The following PDE11A variants were observed in gnomAD, a reference collection of about 807,000 sequenced individuals.
PDE11A encodes phosphodiesterase 11A.
A neutral mutation model predicts 100.5 loss-of-function variants in PDE11A; 100 were observed. That is an observed-to-expected ratio of 1.00 (90% CI 0.85 to 1.18). The LOEUF (loss-of-function observed/expected upper bound fraction) is 1.18, where lower values mean the gene tolerates loss of function less well. PDE11A is among the 50% of genes most tolerant of loss of function. The pLI, the probability that PDE11A is intolerant of heterozygous loss-of-function variation, is 0.00. For missense variants in PDE11A, 1,141 were observed against 1,152.6 expected (o/e 0.99, Z 0.15); for synonymous variants, 381 against 420.8 (o/e 0.91, Z 1.16).
chr2:177,980,985 C>G (rs2085874030), intron 2 of PDE11A, among the ~76,000 whole-genome samples: 1 of 100,724 alleles, frequency 9.9e-6, no homozygotes, highest in African/African-American at 8.5e-5. Flanking sequence ...TACACACACA[C>G]ACACACACAC....
At chr2:177,670,827 A>C (rs537173620) in intron 17 of PDE11A, among the ~76,000 whole-genome samples, 2 of 151,818 alleles carry the variant, frequency 1.3e-5, no homozygotes, top group Admixed American at 6.6e-5. Context: ...AATATCCAGT[A>C]AGTTCAGATT....
intron 9 of PDE11A, among the ~76,000 whole-genome samples, chr2:177,774,134 G>A (rs1433997978): frequency 6.6e-6 from 1 of 152,174 alleles, no homozygotes; most frequent in Non-Finnish European, 1.5e-5. Context: ...TAGCCATCAT[G>A]CGATTCTGAC....
chr2:177,945,641 G>A (rs2085405983), intron 2 of PDE11A, among the ~76,000 whole-genome samples: 1 of 149,150 alleles, frequency 6.7e-6, no homozygotes, highest in Admixed American at 6.6e-5. Context: ...CCGTCTGGGA[G>A]GTGAGGAGCC....
intron 13 of PDE11A, among the ~76,000 whole-genome samples, chr2:177,710,659 G>C (rs1180346084): frequency 2.6e-5 from 4 of 152,164 alleles, no homozygotes; most frequent in African/African-American, 9.7e-5. Context: ...GAAATGATAG[G>C]ATATTGAGAA....
At chr2:177,879,266 A>G (rs2084291859) in intron 4 of PDE11A, among the ~76,000 whole-genome samples, 1 of 152,240 alleles carries the variant, frequency 6.6e-6, no homozygotes, top group African/African-American at 2.4e-5. Context: ...ACCATTTTAA[A>G]AAGCTAATCT....
At chr2:177,990,426 G>A (rs1027837756) in intron 2 of PDE11A, among the ~76,000 whole-genome samples, 1 of 152,106 alleles carries the variant, frequency 6.6e-6, no homozygotes, top group Non-Finnish European at 1.5e-5. Flanking sequence ...AGAGTTACAA[G>A]TATCTGGGGG....
intron 2 of PDE11A, among the ~76,000 whole-genome samples, chr2:177,944,982 C>T (rs897206817): frequency 2.1e-4 from 32 of 150,128 alleles, no homozygotes; most frequent in East Asian, 7.9e-4. Context: ...AGGCACGCGC[C>T]GCCACGCCTG....
intron 2 of PDE11A, among the ~76,000 whole-genome samples, chr2:177,959,127 AAAG>A (rs924204744): frequency 6.4e-4 from 98 of 152,328 alleles, no homozygotes; most frequent in African/African-American, 2.2e-3. Context: ...TATTGAGTGA[AAAG>A]AAGAAGCTGA....
At chr2:178,079,801 G>A (rs1315481159) in intron 2 of PDE11A, among the ~76,000 whole-genome samples, 1 of 152,100 alleles carries the variant, frequency 6.6e-6, no homozygotes, top group Non-Finnish European at 1.5e-5. Context: ...GCTAGCATAT[G>A]TTGTTTCTTG....
At chr2:177,634,588 C>T (rs1171586714) in intron 19 of PDE11A, among the ~76,000 whole-genome samples, 1 of 152,008 alleles carries the variant, frequency 6.6e-6, no homozygotes, top group Non-Finnish European at 1.5e-5. Flanking sequence ...CGGGGTTTCA[C>T]CGTGTTAGCC....
chr2:177,732,816 T>C (rs2081713373), intron 10 of PDE11A, among the ~76,000 whole-genome samples: 1 of 150,176 alleles, frequency 6.7e-6, no homozygotes, highest in East Asian at 2.0e-4. Flanking sequence ...TAGATCACAC[T>C]AAGCCCTGCC....
intron 5 of PDE11A, among the ~76,000 whole-genome samples, chr2:177,868,394 T>C (rs908248105): frequency 2.6e-5 from 4 of 152,200 alleles, no homozygotes; most frequent in Admixed American, 6.5e-5. Context: ...ATTGAATCTA[T>C]GAGAGCATCG....
chr2:177,674,745 T>C (rs533321882), intron 17 of PDE11A, among the ~76,000 whole-genome samples: 2 of 152,316 alleles, frequency 1.3e-5, no homozygotes, highest in East Asian at 3.9e-4. Context: ...TCAATAAATA[T>C]TAGTTATTTA....
At chr2:177,817,801 A>T (rs111848868) in intron 8 of PDE11A, 57 bp downstream of exon 8, 1 of 806,756 alleles carries the variant, frequency 1.2e-6, no homozygotes, top group Non-Finnish European at 2.2e-6. Context: ...AATTTGGGCA[A>T]GCTGCAACCA....
intron 9 of PDE11A, among the ~76,000 whole-genome samples, chr2:177,777,265 GTT>G (rs1313907362): frequency 1.4e-5 from 2 of 142,842 alleles, no homozygotes; most frequent in Non-Finnish European, 3.1e-5. Flanking sequence ...GTATTTTGTT[GTT>G]ATGGCAGCCC....
At chr2:177,737,090 A>G (rs1187284104) in intron 10 of PDE11A, among the ~76,000 whole-genome samples, 1 of 151,606 alleles carries the variant, frequency 6.6e-6, no homozygotes, top group African/African-American at 2.4e-5. Flanking sequence ...AAATACAAAA[A>G]TTAGCTGGGC....
At position 177,891,320 on chromosome 2, in the gene PDE11A, A is replaced by G. The variant is rs1333620457; in HGVS notation, c.1302+6738T>C. ...TCCATCTCCAAATATATTTTACCAA[A>G]CTTATGACCATAAAAGTTATCCCAA... On this transcript the variant is annotated intron_variant, in intron 4 of 19. Transcript: ENST00000286063. Among the ~76,000 whole-genome samples the G allele has an allele frequency of 2.6e-5, 4 of 152,186 alleles. No homozygotes were observed. In the East Asian group the frequency reaches 7.7e-4, roughly 29 times the overall value.
At chr2:177,735,788 C>T (rs1378794549) in intron 10 of PDE11A, among the ~76,000 whole-genome samples, 1 of 152,182 alleles carries the variant, frequency 6.6e-6, no homozygotes, top group Non-Finnish European at 1.5e-5. Flanking sequence ...ACAGTGCAGG[C>T]GCCTGGTTTG....
At chr2:177,860,474 G>T (rs2083927075) in intron 5 of PDE11A, among the ~76,000 whole-genome samples, 1 of 151,620 alleles carries the variant, frequency 6.6e-6, no homozygotes, top group African/African-American at 2.4e-5. Context: ...TTTCCACAAA[G>T]AAAAGCTCAG....
Sources: allele counts gnomAD v4.1 joint callset (sites outside exome capture counted in the v4.1 genomes callset), GRCh38; gene constraint gnomAD v4.1.1; transcripts MANE v1.5; gene names NCBI Gene and HGNC (gene_info 2026-07-23, HGNC 2026-07-21).